SFT2D2: variants seen among roughly 807,000 people sequenced by gnomAD.
SFT2D2 encodes vesicle transport protein SFT2B.
Under a neutral mutation model 27.4 loss-of-function variants are expected in SFT2D2, and 21 were observed. The ratio of observed to expected loss-of-function variants is 0.77; its 90% confidence interval spans 0.54 to 1.10. The LOEUF is 1.10. Among genes scored for constraint, SFT2D2 ranks in the 50% least tolerant of loss-of-function variants. The probability of loss-of-function intolerance (pLI) is 0.00; values close to 1 mark genes in which losing one functional copy is unlikely to be tolerated. For missense variants in SFT2D2, 187 were observed against 194.2 expected (o/e 0.96, Z 0.22); for synonymous variants, 72 against 71.7 (o/e 1.00, Z -0.02).
rs1647914976 is a variant in SFT2D2 at position 168,250,029 on chromosome 1, A to G, written c.*7489A>G. On this transcript the variant is annotated 3_prime_UTR_variant, in exon 8 of 8. Coordinates refer to ENST00000271375, the MANE Select transcript of SFT2D2 (RefSeq NM_199344.3). ...TGAATGGTATTGCCTCCATCCTCTG[A>G]GAAGGTAAAGAGCCTATCCCAGACC... 1 of 152,148 alleles carries G rather than the reference A, an allele frequency of 6.6e-6. No homozygotes were observed. Among genetic ancestry groups the G allele is most frequent in the Admixed American group, 6.5e-5 (1 of 15,280 alleles). The allele number at this position is 152,148 out of a possible 1,614,324, so 9.4% of individuals were successfully genotyped here. A position where few individuals can be genotyped will look rare whatever the true frequency, so the allele number is the denominator to read the frequency against.
rs1647976112 is a variant in SFT2D2 at position 168,252,701 on chromosome 1, C to G, written c.*10161C>G. ...AAAAGCCCATGGTGAATGCATATGC[C>G]TTTAGAATATTGTGCCTGTTTTAAA... is the stretch of plus-strand genomic sequence containing the variant. On this transcript the variant is annotated 3_prime_UTR_variant, in exon 8 of 8. Coordinates refer to ENST00000271375, the MANE Select transcript of SFT2D2 (RefSeq NM_199344.3). The G allele has an allele frequency of 6.6e-6, 1 of 152,060 alleles. No homozygotes were observed. The highest frequency in any genetic ancestry group is 2.4e-5 in the African/African-American group (1 of 41,398). The allele number at this position is 152,060 out of a possible 1,614,324, so 9.4% of individuals were successfully genotyped here. A position where few individuals can be genotyped will look rare whatever the true frequency, so the allele number is the denominator to read the frequency against.
chr1:168,232,067 T>A, intron 3 of SFT2D2, 148 bp downstream of exon 3: 1 of 657,334 alleles, frequency 1.5e-6, no homozygotes, highest in East Asian at 2.7e-5. Flanking sequence ...TCATATCTTA[T>A]TATTTGAAAA....
At chr1:168,226,195 C>T (rs1700456956) in intron 1 of SFT2D2, 53 bp downstream of exon 1, 2 of 1,491,382 alleles carry the variant, frequency 1.3e-6, no homozygotes, top group Non-Finnish European at 1.8e-6. Context: ...CGCCCTGCGT[C>T]CCCTGCCCGG....
At position 168,251,257 on chromosome 1, in the gene SFT2D2, G is replaced by A. The variant is rs1479826474; in HGVS notation, c.*8717G>A. ...CTTGAACCCAGGAGGTGGAAGTTCA[G>A]TGAGCCGAGATCGCACCCCTGCACT... On this transcript the variant is annotated 3_prime_UTR_variant, in exon 8 of 8. Transcript: ENST00000271375. 1 of 152,142 alleles carries A rather than the reference G, an allele frequency of 6.6e-6. No individual in the cohort carries two copies. The highest frequency in any genetic ancestry group is 1.5e-5 in the Non-Finnish European group (1 of 68,032). The allele number at this position is 152,142 out of a possible 1,614,324, so 9.4% of individuals were successfully genotyped here.
At chr1:168,240,869 G>A (rs572984738) in intron 7 of SFT2D2, among the ~76,000 whole-genome samples, 10 of 152,176 alleles carry the variant, frequency 6.6e-5, no homozygotes, top group Non-Finnish European at 1.0e-4. Flanking sequence ...CCGAGATCAC[G>A]CCATTGCCCT....
chr1:168,234,841 A>T (rs1289242276), intron 3 of SFT2D2, among the ~76,000 whole-genome samples: 1 of 152,220 alleles, frequency 6.6e-6, no homozygotes, highest in Non-Finnish European at 1.5e-5. Context: ...ATGCATTTAC[A>T]GCCTGGGTCT....
intron 3 of SFT2D2, among the ~76,000 whole-genome samples, chr1:168,233,652 G>A (rs1558175999): frequency 6.6e-6 from 1 of 152,138 alleles, no homozygotes; most frequent in Non-Finnish European, 1.5e-5. Context: ...GTGGGGGGGT[G>A]TTTTGGGCAG....
rs1466668125 is a variant in SFT2D2 at position 168,247,680 on chromosome 1, G to A, written c.*5140G>A. 2 of 152,198 alleles carry A rather than the reference G, an allele frequency of 1.3e-5. No homozygotes were observed. The highest frequency in any genetic ancestry group is 4.8e-5 in the African/African-American group (2 of 41,442). The allele number at this position is 152,198 out of a possible 1,614,324, so 9.4% of individuals were successfully genotyped here. A position where few individuals can be genotyped will look rare whatever the true frequency, so the allele number is the denominator to read the frequency against. ...AGTAGAATGATTTATAACCCTTTGG[G>A]TATATACCCAGTAATGAGATTGCTG... On this transcript the variant is annotated 3_prime_UTR_variant, in exon 8 of 8. Transcript: ENST00000271375.
Position 168,247,071 on chromosome 1 carries a change from T to A in SFT2D2, c.*4531T>A, listed in dbSNP as rs1391980410. 2.5e-6 allele frequency: 1 copy of A among 399,878 alleles called. No homozygotes were observed. The highest frequency in any genetic ancestry group is 2.0e-5 in the South Asian group (1 of 49,424). The allele number at this position is 399,878 out of a possible 1,614,324, so 24.8% of individuals were successfully genotyped here. A position where few individuals can be genotyped will look rare whatever the true frequency, so the allele number is the denominator to read the frequency against. On this transcript the variant is annotated 3_prime_UTR_variant, in exon 8 of 8. Transcript: ENST00000271375. ...TCAAGTTTTTGATATTCTGTGATAT[T>A]TCTTTTTTTTCAGATAGTCTCTTTT...
rs1036101981 is a variant in SFT2D2, at chr1:168,247,233, C to CT, written c.*4700dup. On this transcript the variant is annotated 3_prime_UTR_variant, in exon 8 of 8. Coordinates refer to ENST00000271375, the MANE Select transcript of SFT2D2 (RefSeq NM_199344.3). ...TTTATATGAGATTCTGGAAATACTT[C>CT]TTTTTTTAAATTATACTTTAAGTTC... 1 of 267,128 alleles carries CT rather than the reference C, an allele frequency of 3.7e-6. No individual in the cohort carries two copies. The highest frequency in any genetic ancestry group is 1.2e-4 in the East Asian group (1 of 8,436). 16.5% of individuals were successfully genotyped at this position (267,128 alleles called of 1,614,324 possible).
chr1:168,237,937 A>G (rs1647547907), intron 6 of SFT2D2, among the ~76,000 whole-genome samples: 1 of 151,988 alleles, frequency 6.6e-6, no homozygotes, highest in South Asian at 2.1e-4. Context: ...CAGGGCAGAA[A>G]TTGGTACCTA....
intron 7 of SFT2D2, among the ~76,000 whole-genome samples, chr1:168,242,091 C>T (rs1206564986): frequency 6.6e-6 from 1 of 152,226 alleles, no homozygotes; most frequent in Non-Finnish European, 1.5e-5. Context: ...GAGCTCCCTT[C>T]TGCTGCCTGC....
At position 168,250,369 on chromosome 1, in the gene SFT2D2, GGTTTCAGA is replaced by G. The variant is rs1647922576; in HGVS notation, c.*7830_*7837del. The G allele has an allele frequency of 6.6e-6, 1 of 152,202 alleles. No homozygotes were observed. Among genetic ancestry groups the G allele is most frequent in the Non-Finnish European group, 1.5e-5 (1 of 68,048 alleles). The allele number at this position is 152,202 out of a possible 1,614,324, so 9.4% of individuals were successfully genotyped here. A position where few individuals can be genotyped will look rare whatever the true frequency, so the allele number is the denominator to read the frequency against. On this transcript the variant is annotated 3_prime_UTR_variant, in exon 8 of 8. Coordinates refer to ENST00000271375, the MANE Select transcript of SFT2D2 (RefSeq NM_199344.3). ...ACCTGATGAGTGAGTAAAGAATTAG[GGTTTCAGA>G]CCTGTAGTTAATGATGGTCTCTGTC...
intron 1 of SFT2D2, among the ~76,000 whole-genome samples, chr1:168,226,580 CG>C (rs1387419019): frequency 1.3e-5 from 2 of 151,822 alleles, no homozygotes; most frequent in African/African-American, 4.8e-5. Flanking sequence ...TACCTCGCGA[CG>C]GGGCTGGTGG....
intron 3 of SFT2D2, among the ~76,000 whole-genome samples, chr1:168,232,920 C>G (rs1358868518): frequency 6.6e-6 from 1 of 152,210 alleles, no homozygotes; most frequent in African/African-American, 2.4e-5. Flanking sequence ...ATCACCCTTA[C>G]CTGAGCAAGA....
intron 1 of SFT2D2, among the ~76,000 whole-genome samples, chr1:168,227,929 G>T (rs746206430): frequency 1.3e-5 from 2 of 152,212 alleles, no homozygotes; most frequent in African/African-American, 2.4e-5. Context: ...AAACATAAAT[G>T]CTGAGCTTGT....
At chr1:168,238,469 A>G (rs1477288401) in intron 6 of SFT2D2, among the ~76,000 whole-genome samples, 1 of 152,002 alleles carries the variant, frequency 6.6e-6, no homozygotes, top group Admixed American at 6.6e-5. Flanking sequence ...TAGCCTGGAC[A>G]GTGTAGCAAG....
intron 6 of SFT2D2, among the ~76,000 whole-genome samples, chr1:168,237,060 T>G (rs1647522641): frequency 6.6e-6 from 1 of 152,154 alleles, no homozygotes; most frequent in South Asian, 2.1e-4. Flanking sequence ...TTACAAATAT[T>G]ATTAAGCCAC....
chr1:168,241,321 G>T (rs1485348162), intron 7 of SFT2D2, among the ~76,000 whole-genome samples: 1 of 144,862 alleles, frequency 6.9e-6, no homozygotes, highest in Non-Finnish European at 1.5e-5. Context: ...CTGTTCTCCT[G>T]CCTCAGCCTC....
Sources: allele counts gnomAD v4.1 joint callset (sites outside exome capture counted in the v4.1 genomes callset), GRCh38; gene constraint gnomAD v4.1.1; transcripts MANE v1.5; gene names NCBI Gene and HGNC (gene_info 2026-07-23, HGNC 2026-07-21).